STAU2: variants seen among roughly 807,000 people sequenced by gnomAD.
The protein encoded by STAU2 is staufen double-stranded RNA binding protein 2.
A neutral mutation model predicts 65.9 loss-of-function variants in STAU2; 20 were observed. The observed-to-expected ratio is 0.30, with a 90% CI of 0.21 to 0.44. The LOEUF is 0.44. Among genes scored for constraint, STAU2 ranks in the 20% least tolerant of loss-of-function variants. The pLI is 1.00. For synonymous variants in STAU2, 232 were observed against 233.9 expected (o/e 0.99, Z 0.07); for missense variants, 558 against 683.9 (o/e 0.82, Z 2.05).
chr8:73,581,070 A>G (rs879009908), intron 12 of STAU2, among the ~76,000 whole-genome samples: 2 of 152,086 alleles, frequency 1.3e-5, no homozygotes, highest in Admixed American at 1.3e-4. Context: ...CCTCTTTGTG[A>G]TATTCCTTCC....
At chr8:73,445,325 T>A (rs1291122277) in intron 13 of STAU2, among the ~76,000 whole-genome samples, 1 of 151,976 alleles carries the variant, frequency 6.6e-6, no homozygotes, top group East Asian at 1.9e-4. Flanking sequence ...GCGGCAGCAG[T>A]CCCTTATTCA....
At chr8:73,562,218 G>A (rs1158510940) in intron 12 of STAU2, among the ~76,000 whole-genome samples, 1 of 152,174 alleles carries the variant, frequency 6.6e-6, no homozygotes, top group African/African-American at 2.4e-5. Flanking sequence ...CAGTGCAGTG[G>A]CTCACACCTG....
At chr8:73,465,779 T>C (rs1194362129) in intron 13 of STAU2, among the ~76,000 whole-genome samples, 1 of 152,206 alleles carries the variant, frequency 6.6e-6, no homozygotes. Flanking sequence ...TTTCATTCTA[T>C]TGCAGCCTAT....
intron 12 of STAU2, among the ~76,000 whole-genome samples, chr8:73,572,998 A>G (rs1353810163): frequency 6.6e-6 from 1 of 152,220 alleles, no homozygotes; most frequent in East Asian, 1.9e-4. Context: ...TATATTTAGA[A>G]AACCTCATTG....
At chr8:73,564,047 A>G (rs1808425517) in intron 12 of STAU2, among the ~76,000 whole-genome samples, 1 of 152,186 alleles carries the variant, frequency 6.6e-6, no homozygotes, top group African/African-American at 2.4e-5. Flanking sequence ...CACCCCCCTA[A>G]GTCAGCATAG....
At chr8:73,716,032 A>G (rs1821224695) in intron 3 of STAU2, among the ~76,000 whole-genome samples, 1 of 151,842 alleles carries the variant, frequency 6.6e-6, no homozygotes, top group African/African-American at 2.4e-5. Context: ...CTTCTGCCTC[A>G]GCCTCCTGAG....
chr8:73,548,661 A>G (rs530391534), intron 13 of STAU2, among the ~76,000 whole-genome samples: 1 of 152,324 alleles, frequency 6.6e-6, no homozygotes, highest in South Asian at 2.1e-4. Flanking sequence ...ATTTTGGACA[A>G]TAAACTAATT....
chr8:73,515,745 A>ACCTTCTC (rs1484460880), intron 13 of STAU2, among the ~76,000 whole-genome samples: 1 of 147,748 alleles, frequency 6.8e-6, no homozygotes, highest in Non-Finnish European at 1.5e-5. Flanking sequence ...CTTCAAGGCA[A>ACCTTCTC]CCTTCTCCCT....
rs187575648 is a variant in STAU2, at chr8:73,694,516, G to C, written c.115-5703C>G. Among the ~76,000 whole-genome samples the C allele has an allele frequency of 3.9e-5, 6 of 152,314 alleles. No homozygotes were observed. The East Asian group carries it at 9.6e-4, about 24-fold the overall frequency. Reference sequence around the variant, plus strand: ...TTGGGTAAAGTTACAGAAGAGGGTAGAGTAAAATTACAGAGGAGGGTAGAG... The same window carrying C: ...TTGGGTAAAGTTACAGAAGAGGGTACAGTAAAATTACAGAGGAGGGTAGAG... On this transcript the variant is annotated intron_variant, in intron 4 of 14. Coordinates refer to ENST00000524300, the MANE Select transcript of STAU2 (RefSeq NM_001164380.2).
chr8:73,721,127 A>G (rs1259540370), intron 3 of STAU2, among the ~76,000 whole-genome samples: 1 of 150,162 alleles, frequency 6.7e-6, no homozygotes, highest in Admixed American at 6.6e-5. Context: ...AAAAAAAAAA[A>G]AAAAAAAAGA....
At chr8:73,434,066 G>A (rs144448225) in intron 13 of STAU2, among the ~76,000 whole-genome samples, 1,702 of 151,938 alleles carry the variant, frequency 0.011, 24 homozygotes, top group Non-Finnish European at 0.016. Context: ...GGGTTCTCCC[G>A]GGGTCCACTG....
rs182946148 is a variant in STAU2, at chr8:73,679,448, G to A, written c.275-6206C>T. 7.9e-5 allele frequency among the ~76,000 whole-genome samples: 12 copies of A among 152,296 alleles called. No homozygotes were observed. The South Asian group carries it at 1.0e-3, about 13-fold the overall frequency. Reference sequence around the variant, plus strand: ...AACTCCATGAGACAGCCAAAACACCGTGAGTGCCCAAAGTGTGAGAGGGGG... The same window carrying A: ...AACTCCATGAGACAGCCAAAACACCATGAGTGCCCAAAGTGTGAGAGGGGG... On this transcript the variant is annotated intron_variant, in intron 5 of 14. Transcript: ENST00000524300.
chr8:73,605,842 TAC>T (rs1176899097), intron 9 of STAU2, among the ~76,000 whole-genome samples: 12,901 of 118,052 alleles, frequency 0.11, 655 homozygotes, highest in Admixed American at 0.17. Flanking sequence ...CACATACACA[TAC>T]ACACACACAC....
chr8:73,651,763 G>A (rs915528384), intron 6 of STAU2, among the ~76,000 whole-genome samples: 11 of 152,224 alleles, frequency 7.2e-5, no homozygotes, highest in African/African-American at 2.4e-4. Context: ...GGGGCCTGGT[G>A]TGCTCTGCCG....
intron 3 of STAU2, among the ~76,000 whole-genome samples, chr8:73,726,060 T>C (rs1257745895): frequency 6.6e-6 from 1 of 152,008 alleles, no homozygotes; most frequent in African/African-American, 2.4e-5. Context: ...CTTACCATCA[T>C]CTACAGGTTT....
intron 13 of STAU2, among the ~76,000 whole-genome samples, chr8:73,509,351 T>C (rs1338673351): frequency 6.6e-6 from 1 of 152,234 alleles, no homozygotes; most frequent in Non-Finnish European, 1.5e-5. Flanking sequence ...TGTCTTCTAA[T>C]TATTGAGATA....
At chr8:73,450,061 A>C (rs147718530) in intron 13 of STAU2, among the ~76,000 whole-genome samples, 189 of 152,376 alleles carry the variant, frequency 1.2e-3, no homozygotes, top group Admixed American at 2.8e-3. Flanking sequence ...AATGGCCTTC[A>C]AACCAACAGA....
At chr8:73,428,813 G>A (rs1817034479) in intron 13 of STAU2, among the ~76,000 whole-genome samples, 1 of 152,138 alleles carries the variant, frequency 6.6e-6, no homozygotes, top group African/African-American at 2.4e-5. Context: ...GAAGAGAACT[G>A]CATATATGAG....
At chr8:73,424,161 C>CTTT (rs779064692) in intron 13 of STAU2, among the ~76,000 whole-genome samples, 7 of 142,868 alleles carry the variant, frequency 4.9e-5, no homozygotes, top group Non-Finnish European at 9.0e-5. Flanking sequence ...TTCAGATTGG[C>CTTT]TTTTTCACTT....
Sources: allele counts gnomAD v4.1 joint callset (sites outside exome capture counted in the v4.1 genomes callset), GRCh38; gene constraint gnomAD v4.1.1; transcripts MANE v1.5; gene names NCBI Gene and HGNC (gene_info 2026-07-23, HGNC 2026-07-21).